Variants in NCKAP5 observed in about 807,000 individuals in gnomAD.
The protein encoded by NCKAP5 is NCK associated protein 5, also known as nck-associated protein 5.
NCKAP5 carries 92 observed loss-of-function variants against 167.0 expected under a neutral mutation model. That is an observed-to-expected ratio of 0.55 (90% CI 0.47 to 0.66). The LOEUF (loss-of-function observed/expected upper bound fraction) is 0.66, where lower values mean the gene tolerates loss of function less well. Ranked by LOEUF, NCKAP5 falls within the 30% of genes least tolerant of loss-of-function variation. NCKAP5 has a pLI of 0.00. For synonymous variants in NCKAP5, 891 were observed against 877.4 expected (o/e 1.02, Z -0.27); for missense variants, 2,378 against 2,315.0 (o/e 1.03, Z -0.56).
chr2:133,115,773 G>GTATATATATA (rs1486037522), intron 6 of NCKAP5, among the ~76,000 whole-genome samples: 3 of 56,124 alleles, frequency 5.3e-5, no homozygotes, highest in African/African-American at 2.5e-4. Context: ...ATATGTGTGT[G>GTATATATATA]TGTATATATA....
intron 6 of NCKAP5, among the ~76,000 whole-genome samples, chr2:133,090,693 A>C (rs1000377466): frequency 6.6e-5 from 10 of 152,242 alleles, no homozygotes; most frequent in Middle Eastern, 3.4e-3. Flanking sequence ...TGAGTTAGAC[A>C]CTGGCCAGGG....
intron 3 of NCKAP5, among the ~76,000 whole-genome samples, chr2:133,383,045 T>A (rs1427461831): frequency 1.3e-5 from 2 of 152,218 alleles, no homozygotes; most frequent in East Asian, 3.9e-4. Flanking sequence ...AAGTGATGCA[T>A]TCTAGGATTG....
intron 18 of NCKAP5, among the ~76,000 whole-genome samples, chr2:132,725,988 T>C (rs1203510889): frequency 6.6e-6 from 1 of 152,138 alleles, no homozygotes; most frequent in Non-Finnish European, 1.5e-5. Flanking sequence ...GAAATAGGCC[T>C]GCAATAATGA....
intron 16 of NCKAP5, among the ~76,000 whole-genome samples, chr2:132,756,267 T>G (rs1487001918): frequency 6.6e-6 from 1 of 152,182 alleles, no homozygotes; most frequent in Non-Finnish European, 1.5e-5. Context: ...GTCCGATGAC[T>G]GAAACATTGT....
chr2:133,150,643 C>T (rs2149884259), intron 5 of NCKAP5, among the ~76,000 whole-genome samples: 1 of 152,214 alleles, frequency 6.6e-6, no homozygotes, highest in Admixed American at 6.5e-5. Context: ...AATTGGTTTG[C>T]TGATGGGAGT....
Position 133,188,807 on chromosome 2 carries a change from C to T in NCKAP5, c.207+24909G>A, listed in dbSNP as rs563302418. Among the ~76,000 whole-genome samples, 16 of 152,202 alleles carry T rather than the reference C, an allele frequency of 1.1e-4. No homozygotes were observed. In the South Asian group the frequency reaches 2.7e-3, roughly 26 times the overall value. On this transcript the variant is annotated intron_variant, in intron 5 of 19. Coordinates refer to ENST00000409261, the MANE Select transcript of NCKAP5 (RefSeq NM_207363.3). Reference sequence around the variant, plus strand: ...GCAGTGTGTAGAGGGAAATTTATAGCACTAAATGCCCACAAGAGAAAGCAG... The same window carrying T: ...GCAGTGTGTAGAGGGAAATTTATAGTACTAAATGCCCACAAGAGAAAGCAG...
chr2:132,971,562 G>T (rs775156069), intron 7 of NCKAP5, among the ~76,000 whole-genome samples: 1 of 152,142 alleles, frequency 6.6e-6, no homozygotes, highest in Admixed American at 6.5e-5. Flanking sequence ...GATGGGTTGG[G>T]GGAAGTTAAC....
At chr2:133,562,016 T>C (rs1418902424) in intron 1 of NCKAP5, among the ~76,000 whole-genome samples, 3 of 152,028 alleles carry the variant, frequency 2.0e-5, no homozygotes, top group East Asian at 1.9e-4. Flanking sequence ...GCGATATAAT[T>C]ATATTGAAGA....
In NCKAP5 at chr2:132,782,863, G is replaced by A; in HGVS notation, c.3948C>T (p.Asn1316=). 1 of 1,613,972 alleles carries A rather than the reference G, an allele frequency of 6.2e-7. No individual in the cohort carries two copies. Among genetic ancestry groups the A allele is most frequent in the African/African-American group, 1.3e-5 (1 of 75,032 alleles). The change falls in exon 14 of 20, where the codon AAC becomes AAT. Residue 1316 remains asparagine, a synonymous_variant. Coordinates refer to ENST00000409261, the MANE Select transcript of NCKAP5 (RefSeq NM_207363.3). ...AERGNSLTRQ[N]SSTESSPNKA... is the part of the protein sequence containing the mutation. ...TGTTGGGAGAGCTTTCCGTGGAAGA[G>A]TTCTGCCGGGTAAGAGAATTGCCTC...
chr2:133,591,806 C>A, the NCKAP5 span, among the ~76,000 whole-genome samples: 1 of 152,164 alleles, frequency 6.6e-6, no homozygotes, highest in Non-Finnish European at 1.5e-5. Flanking sequence ...GACACTCAAG[C>A]CCACGACTTT....
At chr2:132,912,298 G>C (rs150265819) in intron 8 of NCKAP5, among the ~76,000 whole-genome samples, 1 of 152,160 alleles carries the variant, frequency 6.6e-6, no homozygotes, top group African/African-American at 2.4e-5. Flanking sequence ...TCCTAGACTT[G>C]GTACATAATA....
rs770834780 is a variant in NCKAP5, at chr2:132,784,112, G to T, written c.2699C>A (p.Ala900Asp). The change falls in exon 14 of 20, where the codon GCC (alanine) becomes GAC (aspartate). Residue 900 changes from alanine (A) to aspartate (D), a missense_variant. Ala to Asp is a moderately radical substitution (Grantham distance 126). Around this residue, in one of 3 missense-constraint regions of NCKAP5, gnomAD observed 1,325 missense variants for 1,274.5 expected, o/e 1.04. Transcript: ENST00000409261. ...CTCTCCACTGTCACTAGACTCAATG[G>T]CAGGCCTTGACCGTGACCCTGGAGT... ...SQTPGSRSRP[A>D]IESSDSGEPP... 8.5e-6 allele frequency: 13 copies of T among 1,521,024 alleles called. No homozygotes were observed. The highest frequency in any genetic ancestry group is 1.1e-5 in the Non-Finnish European group (13 of 1,136,564). 94.2% of individuals were successfully genotyped at this position (1,521,024 alleles called of 1,614,324 possible). A position where few individuals can be genotyped will look rare whatever the true frequency, so the allele number is the denominator to read the frequency against.
chr2:132,920,681 G>T (rs1432991162), intron 8 of NCKAP5, among the ~76,000 whole-genome samples: 2 of 82,082 alleles, frequency 2.4e-5, no homozygotes, highest in African/African-American at 8.3e-5. Context: ...ATATATATAA[G>T]TTAGTTTATA....
At position 133,217,514 on chromosome 2, in the gene NCKAP5, A is replaced by G. The variant is rs200239223; in HGVS notation, c.144-3735T>C. 2.6e-5 allele frequency among the ~76,000 whole-genome samples: 4 copies of G among 152,046 alleles called. 1 individual carries two copies. In the East Asian group the frequency reaches 7.7e-4, roughly 29 times the overall value. ...TTTTACTCGACTGTTTATTCAATAT[A>G]TTTTTCCTCTAAATAAGACCATAAA... is the stretch of plus-strand genomic sequence containing the variant. On this transcript the variant is annotated intron_variant, in intron 4 of 19. Transcript: ENST00000409261.
chr2:133,483,636 G>C (rs985253793), intron 3 of NCKAP5, among the ~76,000 whole-genome samples: 5 of 149,916 alleles, frequency 3.3e-5, no homozygotes, highest in African/African-American at 7.3e-5. Flanking sequence ...AAGGGGGGGG[G>C]GCTTTTTCTC....
intron 6 of NCKAP5, among the ~76,000 whole-genome samples, chr2:133,064,934 A>G (rs2080137774): frequency 6.6e-6 from 1 of 152,240 alleles, no homozygotes; most frequent in African/African-American, 2.4e-5. Flanking sequence ...ATATATTAGC[A>G]GAAGCAGGCT....
At chr2:133,655,939 T>C in the NCKAP5 span, among the ~76,000 whole-genome samples, 1 of 152,146 alleles carries the variant, frequency 6.6e-6, no homozygotes, top group African/African-American at 2.4e-5. Flanking sequence ...CAGCCAAAAG[T>C]AATAATCTAG....
chr2:132,981,580 A>G (rs1457465460), intron 7 of NCKAP5, among the ~76,000 whole-genome samples: 2 of 152,170 alleles, frequency 1.3e-5, no homozygotes, highest in Non-Finnish European at 2.9e-5. Context: ...CACCCAGGGA[A>G]CCATTAGGAA....
chr2:133,421,701 G>GA (rs1191252307), intron 3 of NCKAP5, among the ~76,000 whole-genome samples: 1 of 152,180 alleles, frequency 6.6e-6, no homozygotes. Context: ...GCCAACCAGT[G>GA]ACCTCAGCTG....
Sources: gnomAD v4.1 joint callset for allele counts (sites outside exome capture counted in the v4.1 genomes callset) on GRCh38, gnomAD v4.1.1 for gene constraint, gnomAD v4.1.1 regional missense constraint, MANE v1.5 for transcripts, NCBI Gene and HGNC (gene_info 2026-07-23, HGNC 2026-07-21) for gene names.